Variants in WDFY1 observed in about 807,000 individuals in gnomAD.
WDFY1 encodes the protein WD repeat and FYVE domain containing 1.
WDFY1 carries 32 observed loss-of-function variants against 56.4 expected under a neutral mutation model. The ratio of observed to expected loss-of-function variants is 0.57; its 90% CI spans 0.43 to 0.76. WDFY1 has a LOEUF of 0.76. Ranked by LOEUF, WDFY1 falls within the 30% of genes least tolerant of loss-of-function variation. The pLI is 0.00. For missense variants in WDFY1, 480 were observed against 545.7 expected (o/e 0.88, Z 1.20); for synonymous variants, 192 against 197.3 (o/e 0.97, Z 0.23).
chr2:223,882,039 C>G lies in WDFY1; in HGVS notation c.967G>C (p.Gly323Arg), dbSNP rs147668328. 2.8e-4 allele frequency: 457 copies of G among 1,613,820 alleles called. No homozygotes were observed. Among genetic ancestry groups the G allele is most frequent in the Non-Finnish European group, 3.7e-4 (433 of 1,179,888 alleles). ...HCRKCGQAVC[G>R]KCSSKRSSYP... is the part of the protein sequence containing the mutation. ...CTTGAGCGCTTGCTGCTGCACTTCCCGCAGACAGCCTGCCCGCATTTCCTG... is the reference window on the plus strand; with the variant it reads ...CTTGAGCGCTTGCTGCTGCACTTCCGGCAGACAGCCTGCCCGCATTTCCTG... Residue 323 changes from glycine (G) to arginine (R), a missense_variant, in exon 10 of 12, where the codon GGG becomes CGG. Physicochemically the swap from Gly to Arg is moderately radical, Grantham distance 125. Coordinates refer to ENST00000233055, the MANE Select transcript of WDFY1 (RefSeq NM_020830.5).
At chr2:223,917,781 A>C (rs1458813107) in intron 2 of WDFY1, among the ~76,000 whole-genome samples, 162 bp downstream of exon 2, 1 of 152,154 alleles carries the variant, frequency 6.6e-6, no homozygotes, top group Admixed American at 6.5e-5. Context: ...CATGTTGGTC[A>C]GTCTGGTCTC....
chr2:223,903,527 AAC>A (rs1491248011), intron 4 of WDFY1, among the ~76,000 whole-genome samples: 4 of 31,758 alleles, frequency 1.3e-4, no homozygotes, highest in East Asian at 5.0e-4. Flanking sequence ...TTTCTCAAAA[AAC>A]AAAACAAAAC....
chr2:223,945,138 CG>C lies in WDFY1; in HGVS notation c.137+9del. The C allele has an allele frequency of 6.3e-7, 1 of 1,581,688 alleles. No individual in the cohort carries two copies. The highest frequency in any genetic ancestry group is 8.5e-7 in the Non-Finnish European group (1 of 1,169,778). ...GAGTTCGGGCCGCCCCGGCTGCGCC[CG>C]GGCCCTACCTGTCCTCGCTGGCCGT... On this transcript the variant is annotated intron_variant, in intron 1 of 11. Transcript: ENST00000233055.
chr2:223,901,214 G>A lies in WDFY1; in HGVS notation c.454C>T (p.His152Tyr). 1 of 1,614,068 alleles carries A rather than the reference G, an allele frequency of 6.2e-7. No homozygotes were observed. ...CTRSGNMLGR[H>Y]FFTSWASCLQ... is the part of the protein sequence containing the mutation. ...CACGAAGCCCAGGACGTGAAGAAGT[G>A]CCTCCCGAGCATGTTCCCGCTCCGC... The change falls in exon 5 of 12, where the codon CAC becomes TAC. Residue 152 changes from histidine to tyrosine, a missense_variant. By Grantham distance (83) the His-to-Tyr change is moderately conservative (BLOSUM62 2). Transcript: ENST00000233055.
chr2:223,914,417 T>C (rs1693754922), intron 2 of WDFY1, among the ~76,000 whole-genome samples: 1 of 152,232 alleles, frequency 6.6e-6, no homozygotes, highest in African/African-American at 2.4e-5. Context: ...AGTTTTTTTT[T>C]CCTTTGGAAC....
At chr2:223,898,592 G>C (rs1450881893) in intron 6 of WDFY1, among the ~76,000 whole-genome samples, 1 of 152,062 alleles carries the variant, frequency 6.6e-6, no homozygotes, top group African/African-American at 2.4e-5. Flanking sequence ...TCTTAGTAGA[G>C]AGGCAGTTTT....
chr2:223,921,224 A>G (rs988195992), intron 1 of WDFY1, among the ~76,000 whole-genome samples: 1 of 152,238 alleles, frequency 6.6e-6, no homozygotes, highest in African/African-American at 2.4e-5. Context: ...GTCTTTATTT[A>G]TCCAAACAAA....
At chr2:223,912,195 G>T (rs1325527174) in intron 3 of WDFY1, 58 bp downstream of exon 3, 1 of 1,502,666 alleles carries the variant, frequency 6.7e-7, no homozygotes, top group East Asian at 2.4e-5. Flanking sequence ...GACATGGGAG[G>T]TCAATATAAA....
intron 8 of WDFY1, among the ~76,000 whole-genome samples, chr2:223,888,695 T>C (rs1693212770): frequency 6.7e-6 from 1 of 149,618 alleles, no homozygotes; most frequent in African/African-American, 2.5e-5. Context: ...CAAGCAATTC[T>C]CCTGCCTCAG....
At chr2:223,895,388 G>A in intron 7 of WDFY1, 116 bp downstream of exon 7, 1 of 1,490,184 alleles carries the variant, frequency 6.7e-7, no homozygotes, top group Non-Finnish European at 9.2e-7. Flanking sequence ...CCCTATCAAT[G>A]ATAATTGCCA....
rs1052734441 is a variant in WDFY1, at chr2:223,876,399, T to C, written c.*2272A>G. On this transcript the variant is annotated 3_prime_UTR_variant, in exon 12 of 12. Transcript: ENST00000233055. ...AATTGAGAAAATAATTTTTGCCCAC[T>C]TCTATAAAAATATCACCCCATTTGC... 5 of 152,582 alleles carry C rather than the reference T, an allele frequency of 3.3e-5. No individual in the cohort carries two copies. The highest frequency in any genetic ancestry group is 1.3e-4 in the Admixed American group (2 of 15,252). The allele number at this position is 152,582 out of a possible 1,614,324, so 9.5% of individuals were successfully genotyped here.
At chr2:223,922,487 C>T (rs1285952717) in intron 1 of WDFY1, among the ~76,000 whole-genome samples, 1 of 152,184 alleles carries the variant, frequency 6.6e-6, no homozygotes, top group Non-Finnish European at 1.5e-5. Flanking sequence ...TGACAAAGGC[C>T]AAGGCACCTG....
chr2:223,914,123 A>G (rs1358079299), intron 2 of WDFY1, among the ~76,000 whole-genome samples: 6 of 148,238 alleles, frequency 4.0e-5, no homozygotes, highest in Non-Finnish European at 1.5e-5. Flanking sequence ...CAGCCTCCTG[A>G]GTAGCTAGGA....
In WDFY1 at chr2:223,907,341, T is replaced by A. The variant is rs138669359; in HGVS notation, c.280-1340A>T. 2.7e-4 allele frequency among the ~76,000 whole-genome samples: 41 copies of A among 152,058 alleles called. No individual in the cohort carries two copies. In the East Asian group the frequency reaches 7.5e-3, roughly 28 times the overall value. ...ATTATGAATTGCTGACAGACCAGAGTGAGGGGGGAAAAAAGCACACAAAAG... is the reference window on the plus strand; with the variant it reads ...ATTATGAATTGCTGACAGACCAGAGAGAGGGGGGAAAAAAGCACACAAAAG... On this transcript the variant is annotated intron_variant, in intron 3 of 11. Transcript: ENST00000233055.
At chr2:223,888,750 C>A (rs532304408) in intron 8 of WDFY1, among the ~76,000 whole-genome samples, 1 of 151,336 alleles carries the variant, frequency 6.6e-6, no homozygotes, top group East Asian at 2.0e-4. Flanking sequence ...CCACACCCAG[C>A]TATTTTTTTG....
intron 2 of WDFY1, among the ~76,000 whole-genome samples, chr2:223,914,895 A>G (rs1480728834): frequency 6.6e-6 from 1 of 152,218 alleles, no homozygotes; most frequent in Non-Finnish European, 1.5e-5. Flanking sequence ...GTAATGTTAT[A>G]GAACACAATT....
At chr2:223,939,199 A>G (rs1465227598) in intron 1 of WDFY1, among the ~76,000 whole-genome samples, 1 of 152,190 alleles carries the variant, frequency 6.6e-6, no homozygotes, top group African/African-American at 2.4e-5. Context: ...TGACTTTCCA[A>G]ATCAGAAACT....
rs968596100 is a variant in WDFY1, at chr2:223,882,272, G to A, written c.934-200C>T. On this transcript the variant is annotated intron_variant, in intron 9 of 11. Transcript: ENST00000233055. ...TGGGATTACAGGTGCCTGTCACCAC[G>A]CCTGACTAATTTTTGTATTTTTAGT... Among the ~76,000 whole-genome samples, 7 of 152,232 alleles carry A rather than the reference G, an allele frequency of 4.6e-5. No homozygotes were observed. In the South Asian group the frequency reaches 1.2e-3, roughly 27 times the overall value.
At chr2:223,895,344 G>A (rs1366608403) in intron 7 of WDFY1, among the ~76,000 whole-genome samples, 160 bp downstream of exon 7, 2 of 152,050 alleles carry the variant, frequency 1.3e-5, no homozygotes, top group Non-Finnish European at 2.9e-5. Flanking sequence ...TCAGACACTC[G>A]GGGCTGACAG....
Sources: gnomAD v4.1 joint callset for allele counts (sites outside exome capture counted in the v4.1 genomes callset) on GRCh38, gnomAD v4.1.1 for gene constraint, MANE v1.5 for transcripts, NCBI Gene and HGNC (gene_info 2026-07-23, HGNC 2026-07-21) for gene names.